Variants in SLIT2 observed in about 807,000 individuals in gnomAD.
The protein encoded by SLIT2 is slit homolog 2 protein.
SLIT2 carries 41 observed loss-of-function variants against 185.7 expected under a neutral mutation model. The observed-to-expected ratio is 0.22, with a 90% CI of 0.17 to 0.29. The LOEUF is 0.29. Ranked by LOEUF, SLIT2 falls within the 10% of genes least tolerant of loss-of-function variation. SLIT2 has a pLI of 1.00. For synonymous variants in SLIT2, 693 were observed against 680.2 expected (o/e 1.02, Z -0.29); for missense variants, 1,571 against 1,909.0 (o/e 0.82, Z 3.30).
At chr4:20,506,070 G>T (rs980770287) in intron 9 of SLIT2, among the ~76,000 whole-genome samples, 3 of 151,538 alleles carry the variant, frequency 2.0e-5, no homozygotes, top group Non-Finnish European at 4.4e-5. Context: ...AACAGCCATT[G>T]CTTTGGTTTC....
intron 21 of SLIT2, among the ~76,000 whole-genome samples, chr4:20,542,859 T>C (rs1258093878): frequency 5.1e-5 from 3 of 59,344 alleles, no homozygotes; most frequent in Non-Finnish European, 5.8e-5. Context: ...TGTGTGTGTG[T>C]GTGCGCTATA....
chr4:20,385,078 C>T (rs1724826900), intron 4 of SLIT2, among the ~76,000 whole-genome samples: 1 of 152,076 alleles, frequency 6.6e-6, no homozygotes, highest in Non-Finnish European at 1.5e-5. Flanking sequence ...CTCACTGAGA[C>T]TAGATTTGCT....
At chr4:20,469,451 A>G (rs1714721375) in intron 5 of SLIT2, among the ~76,000 whole-genome samples, 1 of 152,104 alleles carries the variant, frequency 6.6e-6, no homozygotes, top group Admixed American at 6.5e-5. Flanking sequence ...TCTTCTTTAT[A>G]TATTTTATAT....
intron 19 of SLIT2, among the ~76,000 whole-genome samples, chr4:20,540,266 T>A (rs1722686665): frequency 6.6e-6 from 1 of 151,000 alleles, no homozygotes; most frequent in African/African-American, 2.4e-5. Flanking sequence ...CCAGCCTGTA[T>A]GACAGAGCGA....
At chr4:20,465,024 T>C (rs573830482) in intron 4 of SLIT2, among the ~76,000 whole-genome samples, 1 of 152,188 alleles carries the variant, frequency 6.6e-6, no homozygotes, top group Non-Finnish European at 1.5e-5. Flanking sequence ...TGACTATATA[T>C]AGAAAATATA....
chr4:20,425,828 A>G (rs1030921398), intron 4 of SLIT2, among the ~76,000 whole-genome samples: 3 of 152,178 alleles, frequency 2.0e-5, no homozygotes, highest in African/African-American at 7.2e-5. Flanking sequence ...AGAAAACTCA[A>G]GTGTAGCATT....
At chr4:20,541,654 C>G (rs759707723) in intron 20 of SLIT2, 35 bp downstream of exon 20, 2 of 1,567,554 alleles carry the variant, frequency 1.3e-6, no homozygotes, top group South Asian at 2.2e-5. Flanking sequence ...GATTGTCAGG[C>G]ATTCACATGC....
intron 5 of SLIT2, among the ~76,000 whole-genome samples, chr4:20,469,751 C>CTTTT (rs33912349): frequency 2.9e-4 from 26 of 90,746 alleles, no homozygotes; most frequent in South Asian, 4.1e-4. Flanking sequence ...TTAGTTTTTA[C>CTTTT]TTTTTTTTTT....
chr4:20,554,386 A>T (rs1408656768), intron 26 of SLIT2: 3 of 455,130 alleles, frequency 6.6e-6, no homozygotes, highest in Non-Finnish European at 1.3e-5. Flanking sequence ...AAACCTTCTG[A>T]CTCGCCTTAT....
intron 4 of SLIT2, among the ~76,000 whole-genome samples, chr4:20,386,022 C>T (rs535093566): frequency 1.1e-4 from 17 of 152,176 alleles, no homozygotes; most frequent in Admixed American, 8.5e-4. Context: ...CGGCCAAAGT[C>T]CAGGATGTGA....
intron 4 of SLIT2, among the ~76,000 whole-genome samples, chr4:20,459,836 T>G (rs1029862476): frequency 4.6e-5 from 7 of 151,858 alleles, no homozygotes; most frequent in African/African-American, 1.2e-4. Flanking sequence ...TCCCTTGCCT[T>G]ACATCTTGCA....
chr4:20,562,919 G>C (rs747062686), intron 26 of SLIT2, among the ~76,000 whole-genome samples: 5 of 151,680 alleles, frequency 3.3e-5, no homozygotes, highest in Non-Finnish European at 7.4e-5. Flanking sequence ...AATGAAGGCA[G>C]ATTCTAGAAT....
chr4:20,345,696 C>G (rs545154104), intron 4 of SLIT2, among the ~76,000 whole-genome samples: 1 of 140,916 alleles, frequency 7.1e-6, no homozygotes, highest in Non-Finnish European at 1.6e-5. Flanking sequence ...CCACCATGCC[C>G]GGCTAATTTT....
chr4:20,364,491 C>T lies in SLIT2; in HGVS notation c.395+95610C>T, dbSNP rs542990005. Reference sequence around the variant, plus strand: ...ACTTAAAAGTCAGTCAGTAACCATACTCTAATAGTTTGTTTTCTAGTTCCT... The same window carrying T: ...ACTTAAAAGTCAGTCAGTAACCATATTCTAATAGTTTGTTTTCTAGTTCCT... On this transcript the variant is annotated intron_variant, in intron 4 of 36. Transcript: ENST00000504154. Among the ~76,000 whole-genome samples the T allele has an allele frequency of 1.2e-4, 18 of 152,194 alleles. No homozygotes were observed. The South Asian group carries it at 3.3e-3, about 28-fold the overall frequency.
intron 8 of SLIT2, among the ~76,000 whole-genome samples, chr4:20,490,241 A>T (rs1717660998): frequency 6.6e-6 from 1 of 152,222 alleles, no homozygotes; most frequent in South Asian, 2.1e-4. Context: ...CACCTCCCTT[A>T]TAACAACTGT....
At chr4:20,596,318 A>G in intron 31 of SLIT2, 97 bp from the exon 32 acceptor site, 1 of 1,142,052 alleles carries the variant, frequency 8.8e-7, no homozygotes, top group Admixed American at 2.2e-5. Flanking sequence ...AAGGAAGTGC[A>G]CATATATAAT....
intron 4 of SLIT2, among the ~76,000 whole-genome samples, chr4:20,297,829 G>A (rs546894524): frequency 1.3e-5 from 2 of 152,174 alleles, no homozygotes; most frequent in South Asian, 4.1e-4. Context: ...TATCTGTAAC[G>A]GATACCCTGT....
At chr4:20,609,523 G>T (rs147593463) in intron 33 of SLIT2, among the ~76,000 whole-genome samples, 1 of 152,164 alleles carries the variant, frequency 6.6e-6, no homozygotes, top group Non-Finnish European at 1.5e-5. Flanking sequence ...TTGCATTTGT[G>T]TGTGTGTTTG....
chr4:20,509,011 T>A (rs1157400477), intron 9 of SLIT2, among the ~76,000 whole-genome samples: 1 of 151,660 alleles, frequency 6.6e-6, no homozygotes, highest in Non-Finnish European at 1.5e-5. Context: ...CATTAAATGT[T>A]ACGCGTGTGT....
Sources: gnomAD v4.1 joint callset for allele counts (sites outside exome capture counted in the v4.1 genomes callset) on GRCh38, gnomAD v4.1.1 for gene constraint, MANE v1.5 for transcripts, NCBI Gene and HGNC (gene_info 2026-07-23, HGNC 2026-07-21) for gene names.